Variants in GRIK2 observed in about 807,000 individuals in gnomAD.
GRIK2 encodes the protein glutamate ionotropic receptor kainate type subunit 2.
In GRIK2, 32 loss-of-function variants were observed where a neutral mutation model predicts 100.3. That is an observed-to-expected ratio of 0.32 (90% CI 0.24 to 0.43). GRIK2 has a LOEUF of 0.43. Ranked by LOEUF, GRIK2 falls within the 20% of genes least tolerant of loss-of-function variation. The probability of loss-of-function intolerance (pLI) is 1.00; values close to 1 mark genes in which losing one functional copy is unlikely to be tolerated. For missense variants in GRIK2, 843 were observed against 1,114.9 expected, an observed-to-expected ratio of 0.76 and a Z score of 3.47; for synonymous variants, 417 against 389.4, an observed-to-expected ratio of 1.07 and a Z score of -0.83.
intron 15 of GRIK2, 149 bp downstream of exon 15, chr6:102,035,715 T>C: frequency 1.8e-6 from 1 of 563,686 alleles, no homozygotes; most frequent in Admixed American, 3.0e-5. Context: ...AAGCAGGTTA[T>C]CATTTTGGAC....
intron 2 of GRIK2, among the ~76,000 whole-genome samples, chr6:101,547,459 T>C (rs1012931508): frequency 6.6e-6 from 1 of 152,188 alleles, no homozygotes; most frequent in Non-Finnish European, 1.5e-5. Context: ...CCTAATGCTA[T>C]CCTTCCCCAC....
intron 7 of GRIK2, among the ~76,000 whole-genome samples, chr6:101,798,978 T>C (rs1035107625): frequency 1.3e-5 from 2 of 152,100 alleles, no homozygotes; most frequent in African/African-American, 4.8e-5. Context: ...ATGGAAATCT[T>C]GGGGAAAGGA....
intron 10 of GRIK2, among the ~76,000 whole-genome samples, chr6:101,847,714 G>C (rs1190169568): frequency 1.3e-5 from 2 of 152,082 alleles, no homozygotes; most frequent in Admixed American, 6.6e-5. Flanking sequence ...AATCTAGCCA[G>C]AGGTAAGGGC....
rs745614875 is a variant in GRIK2, at chr6:101,626,508, G to T, written c.412G>T (p.Val138Leu). The change falls in exon 4 of 17, where the codon GTG (valine) becomes TTG (leucine). Residue 138 changes from valine to leucine, a missense_variant. This residue lies in a region of GRIK2 where 519 missense variants were observed against 643.8 expected (regional missense o/e 0.81). Coordinates refer to ENST00000369134, the MANE Select transcript of GRIK2 (RefSeq NM_021956.5). ...CATACAGACCCGCTGGAAGCACCAG[G>T]TGTCAGACAACAAAGATTCCTTCTA... Reference protein sequence around the residue: ...PHIQTRWKHQVSDNKDSFYVS... With the variant: ...PHIQTRWKHQLSDNKDSFYVS... The T allele has an allele frequency of 1.9e-6, 3 of 1,613,982 alleles. No individual in the cohort carries two copies. The South Asian group carries it at 3.3e-5, about 18-fold the overall frequency.
At chr6:101,923,802 T>A (rs975664830) in intron 12 of GRIK2, among the ~76,000 whole-genome samples, 9 of 151,558 alleles carry the variant, frequency 5.9e-5, no homozygotes, top group African/African-American at 2.2e-4. Flanking sequence ...GCACCTGTAG[T>A]CACAGCTACT....
intron 2 of GRIK2, among the ~76,000 whole-genome samples, chr6:101,568,717 T>C (rs1032815989): frequency 2.6e-5 from 4 of 152,088 alleles, no homozygotes; most frequent in East Asian, 3.8e-4. Flanking sequence ...TTTCTAACTA[T>C]CTTAAAAGTT....
intron 4 of GRIK2, among the ~76,000 whole-genome samples, chr6:101,658,322 T>C (rs1014693288): frequency 6.6e-6 from 1 of 152,174 alleles, no homozygotes; most frequent in South Asian, 2.1e-4. Context: ...TCTGTTCTTG[T>C]GTTAGTTTGC....
At chr6:102,031,076 TACACAC>T (rs55900001) in intron 14 of GRIK2, among the ~76,000 whole-genome samples, 12,422 of 118,232 alleles carry the variant, frequency 0.11, 1,063 homozygotes, top group African/African-American at 0.25. Flanking sequence ...TATTATGCAT[TACACAC>T]ACACACACAC....
At chr6:101,861,698 A>G (rs1471734284) in intron 11 of GRIK2, among the ~76,000 whole-genome samples, 4 of 152,174 alleles carry the variant, frequency 2.6e-5, no homozygotes, top group Non-Finnish European at 5.9e-5. Context: ...CATTATAGAT[A>G]AAATCAAAAC....
intron 14 of GRIK2, among the ~76,000 whole-genome samples, chr6:102,007,508 C>T (rs1795303273): frequency 6.6e-6 from 1 of 152,084 alleles, no homozygotes; most frequent in Non-Finnish European, 1.5e-5. Context: ...TTGTATTCTT[C>T]TTTTGATCCT....
intron 3 of GRIK2, among the ~76,000 whole-genome samples, chr6:101,625,819 CTACT>C (rs1472149501): frequency 6.6e-6 from 1 of 152,146 alleles, no homozygotes. Context: ...TTCTGTTTTT[CTACT>C]CAGTGTGACT....
At position 101,631,278 on chromosome 6, in the gene GRIK2, C is replaced by A. The variant is rs1780732574; in HGVS notation, c.541+4641C>A. On this transcript the variant is annotated intron_variant, in intron 4 of 16. Coordinates refer to ENST00000369134, the MANE Select transcript of GRIK2 (RefSeq NM_021956.5). ...AGTTGGCTAGATGACAGCTTGTAAG[C>A]AATTCCAGAATAAGTTGTTCATATT... Among the ~76,000 whole-genome samples the A allele has an allele frequency of 1.3e-5, 2 of 152,038 alleles. 1 individual carries two copies. The highest frequency in any genetic ancestry group is 2.9e-5 in the Non-Finnish European group (2 of 67,986).
At chr6:101,633,927 A>C (rs375077813) in intron 4 of GRIK2, among the ~76,000 whole-genome samples, 5 of 152,280 alleles carry the variant, frequency 3.3e-5, no homozygotes, top group African/African-American at 9.6e-5. Flanking sequence ...TAGGCAGTCA[A>C]CTTTAGAATC....
chr6:101,843,742 C>T (rs1466576199), intron 10 of GRIK2, among the ~76,000 whole-genome samples: 3 of 152,134 alleles, frequency 2.0e-5, no homozygotes, highest in Non-Finnish European at 2.9e-5. Context: ...TGCTCAGATG[C>T]ATTAGATCAG....
chr6:101,573,308 C>CT (rs1231741240), intron 2 of GRIK2, among the ~76,000 whole-genome samples: 2 of 152,082 alleles, frequency 1.3e-5, no homozygotes, highest in Admixed American at 6.6e-5. Context: ...CTCAGACATG[C>CT]TTGGGGTTGG....
At chr6:101,526,326 A>G (rs538123462) in intron 2 of GRIK2, among the ~76,000 whole-genome samples, 103 of 152,350 alleles carry the variant, frequency 6.8e-4, no homozygotes, top group African/African-American at 2.5e-3. Context: ...AATTTTTAAA[A>G]ATAGAAATTG....
intron 14 of GRIK2, among the ~76,000 whole-genome samples, chr6:102,001,737 T>C (rs1794952839): frequency 6.6e-6 from 1 of 152,042 alleles, no homozygotes; most frequent in South Asian, 2.1e-4. Context: ...ATAGTGTTAC[T>C]ACTGTACCTA....
intron 4 of GRIK2, among the ~76,000 whole-genome samples, chr6:101,634,784 C>G (rs1047231035): frequency 2.0e-5 from 3 of 151,032 alleles, no homozygotes; most frequent in Admixed American, 2.0e-4. Context: ...TTCTATGATA[C>G]GATCACAGGA....
At chr6:101,940,400 C>T (rs557542110) in intron 14 of GRIK2, among the ~76,000 whole-genome samples, 2 of 152,126 alleles carry the variant, frequency 1.3e-5, no homozygotes, top group Non-Finnish European at 2.9e-5. Flanking sequence ...CAAACTCTTA[C>T]AGCTGAAACA....
Sources: gnomAD v4.1 joint callset for allele counts (sites outside exome capture counted in the v4.1 genomes callset) on GRCh38, gnomAD v4.1.1 for gene constraint, gnomAD v4.1.1 regional missense constraint, MANE v1.5 for transcripts, NCBI Gene and HGNC (gene_info 2026-07-23, HGNC 2026-07-21) for gene names.